The following CFAP299 variants were observed in gnomAD, a reference collection of about 807,000 sequenced individuals.
CFAP299 encodes the protein cilia and flagella associated protein 299, also known as cilia- and flagella-associated protein 299.
CFAP299 carries 21 observed loss-of-function variants against 27.0 expected under a neutral mutation model. The observed-to-expected ratio is 0.78, with a 90% CI of 0.55 to 1.12. CFAP299 has a LOEUF of 1.12. Ranked by LOEUF, CFAP299 falls within the 50% of genes most tolerant of loss-of-function variation. The probability of loss-of-function intolerance (pLI) is 0.00; values close to 1 mark genes in which losing one functional copy is unlikely to be tolerated. For synonymous variants in CFAP299, 104 were observed against 98.1 expected, an observed-to-expected ratio of 1.06 and a Z score of -0.36; for missense variants, 310 against 276.6, an observed-to-expected ratio of 1.12 and a Z score of -0.86.
At chr4:80,679,264 G>C (rs1719673695) in intron 3 of CFAP299, among the ~76,000 whole-genome samples, 1 of 151,978 alleles carries the variant, frequency 6.6e-6, no homozygotes, top group South Asian at 2.1e-4. Flanking sequence ...ACATTGATGA[G>C]TAGTATTCCA....
chr4:80,444,748 C>T (rs553735967), intron 2 of CFAP299, among the ~76,000 whole-genome samples: 1 of 152,134 alleles, frequency 6.6e-6, no homozygotes, highest in Non-Finnish European at 1.5e-5. Context: ...AGGCAACCTA[C>T]AGATGGGAGA....
At chr4:80,556,213 T>C (rs1220911705) in intron 2 of CFAP299, among the ~76,000 whole-genome samples, 1 of 152,056 alleles carries the variant, frequency 6.6e-6, no homozygotes, top group African/African-American at 2.4e-5. Context: ...TCTCCAAAGT[T>C]ATCAGAAAAC....
chr4:80,898,935 C>A (rs1216565331), intron 4 of CFAP299, among the ~76,000 whole-genome samples: 2 of 152,054 alleles, frequency 1.3e-5, no homozygotes, highest in African/African-American at 4.8e-5. Flanking sequence ...GGCTGATTCC[C>A]AAAATATAAG....
intron 3 of CFAP299, among the ~76,000 whole-genome samples, chr4:80,722,890 T>A (rs545602286): frequency 6.6e-6 from 1 of 150,510 alleles, no homozygotes; most frequent in African/African-American, 2.5e-5. Flanking sequence ...GACAGCGAGA[T>A]TCCGTCTCAA....
chr4:80,673,585 T>C (rs567446271), intron 3 of CFAP299, among the ~76,000 whole-genome samples: 2 of 152,132 alleles, frequency 1.3e-5, no homozygotes, highest in Non-Finnish European at 2.9e-5. Flanking sequence ...TGTCTTGGTC[T>C]TGTTGATCTG....
chr4:80,590,026 C>T lies in CFAP299; in HGVS notation c.333+6843C>T, dbSNP rs559186546. On this transcript the variant is annotated intron_variant, in intron 3 of 5. Transcript: ENST00000358105. Reference sequence around the variant, plus strand: ...GTAATTGTAGCATTGCTCATAATAGCAGCATAACCTGAATGTTCATAAACA... The same window carrying T: ...GTAATTGTAGCATTGCTCATAATAGTAGCATAACCTGAATGTTCATAAACA... Among the ~76,000 whole-genome samples the T allele has an allele frequency of 2.0e-4, 31 of 152,180 alleles. No individual in the cohort carries two copies. The South Asian group carries it at 6.2e-3, about 31-fold the overall frequency.
chr4:80,875,520 T>C (rs1355388801), intron 4 of CFAP299, among the ~76,000 whole-genome samples: 1 of 151,960 alleles, frequency 6.6e-6, no homozygotes, highest in African/African-American at 2.4e-5. Context: ...AAAAATTAGC[T>C]GGCCATGGTG....
intron 2 of CFAP299, among the ~76,000 whole-genome samples, chr4:80,431,160 C>T (rs1301242210): frequency 6.6e-6 from 1 of 152,170 alleles, no homozygotes; most frequent in Non-Finnish European, 1.5e-5. Context: ...GTTATTGCTA[C>T]CTCCTTCCTC....
chr4:80,373,931 T>G (rs1724277324), intron 2 of CFAP299, among the ~76,000 whole-genome samples: 1 of 152,224 alleles, frequency 6.6e-6, no homozygotes. Context: ...GGTTCTTCTA[T>G]AGACCATGAT....
chr4:80,866,273 T>A (rs912654670), intron 3 of CFAP299, among the ~76,000 whole-genome samples: 1 of 151,434 alleles, frequency 6.6e-6, no homozygotes, highest in Non-Finnish European at 1.5e-5. Context: ...GTTGAAAATT[T>A]AAAAAAATCA....
chr4:80,954,202 G>A lies in CFAP299; in HGVS notation c.606+9263G>A, dbSNP rs114037579. Among the ~76,000 whole-genome samples, 462 of 152,278 alleles carry A rather than the reference G, an allele frequency of 3.0e-3. 1 individual carries two copies. Among genetic ancestry groups the A allele is most frequent in the Non-Finnish European group, 5.1e-3 (348 of 68,012 alleles). On this transcript the variant is annotated intron_variant, in intron 5 of 5. Transcript: ENST00000358105. ...AGGCATCAGAAAACACATGAGTCAG[G>A]CATGGTGTCATTGCAGGTGCAAGAC...
upstream of CFAP299, among the ~76,000 whole-genome samples, chr4:80,334,285 T>A (rs552892651): frequency 6.6e-6 from 1 of 152,314 alleles, no homozygotes; most frequent in East Asian, 1.9e-4. Context: ...TACTAACATA[T>A]AGGTCCTTTT....
chr4:80,773,020 T>C lies in CFAP299; in HGVS notation c.334-96973T>C, dbSNP rs148358492. Among the ~76,000 whole-genome samples the C allele has an allele frequency of 2.6e-5, 4 of 152,252 alleles. No individual in the cohort carries two copies. In the East Asian group the frequency reaches 7.7e-4, roughly 29 times the overall value. ...GTGGTACATAAACACCATGGAATACTATGCAGCCATAAGAAAGAATGAGAT... is the reference window on the plus strand; with the variant it reads ...GTGGTACATAAACACCATGGAATACCATGCAGCCATAAGAAAGAATGAGAT... On this transcript the variant is annotated intron_variant, in intron 3 of 5. Transcript: ENST00000358105.
chr4:80,856,286 G>A (rs1455115981), intron 3 of CFAP299, among the ~76,000 whole-genome samples: 2 of 145,610 alleles, frequency 1.4e-5, no homozygotes, highest in African/African-American at 5.3e-5. Flanking sequence ...TGAGTTCAGT[G>A]TAGATTCTGG....
At chr4:80,760,576 G>T (rs145682724) in intron 3 of CFAP299, among the ~76,000 whole-genome samples, 1 of 152,236 alleles carries the variant, frequency 6.6e-6, no homozygotes, top group African/African-American at 2.4e-5. Context: ...CTACCACACT[G>T]CTATTTTTAA....
At chr4:80,449,529 G>C (rs1297348665) in intron 2 of CFAP299, among the ~76,000 whole-genome samples, 1 of 151,406 alleles carries the variant, frequency 6.6e-6, no homozygotes, top group Non-Finnish European at 1.5e-5. Context: ...ACACATAATA[G>C]CTGGACAACA....
intron 3 of CFAP299, among the ~76,000 whole-genome samples, chr4:80,595,372 AG>A (rs1737010095): frequency 6.6e-6 from 1 of 152,182 alleles, no homozygotes; most frequent in South Asian, 2.1e-4. Flanking sequence ...TTATTGTTTT[AG>A]TGTTTACATT....
chr4:80,763,769 T>G lies in CFAP299; in HGVS notation c.334-106224T>G, dbSNP rs191559845. ...GTACCAAAACAGATACATAGACCAA[T>G]GAAACAGAACAGAGGCCTCAGAAAT... On this transcript the variant is annotated intron_variant, in intron 3 of 5. Coordinates refer to ENST00000358105, the MANE Select transcript of CFAP299 (RefSeq NM_152770.3). Among the ~76,000 whole-genome samples the G allele has an allele frequency of 4.1e-3, 627 of 152,136 alleles. 2 individuals carry two copies. The highest frequency in any genetic ancestry group is 7.2e-3 in the Non-Finnish European group (487 of 67,990).
intron 2 of CFAP299, among the ~76,000 whole-genome samples, chr4:80,543,077 C>G (rs1734078888): frequency 6.6e-6 from 1 of 152,170 alleles, no homozygotes; most frequent in African/African-American, 2.4e-5. Context: ...AGGGTTAGAG[C>G]ACACAGTTCA....
Sources: gnomAD v4.1 joint callset for allele counts (sites outside exome capture counted in the v4.1 genomes callset) on GRCh38, gnomAD v4.1.1 for gene constraint, MANE v1.5 for transcripts, NCBI Gene and HGNC (gene_info 2026-07-23, HGNC 2026-07-21) for gene names.